Variants in CNBD1 observed in about 807,000 individuals in gnomAD.
The protein encoded by CNBD1 is cyclic nucleotide binding domain containing 1.
A neutral mutation model predicts 54.4 loss-of-function variants in CNBD1; 71 were observed. That is an observed-to-expected ratio of 1.30 (90% CI 1.08 to 1.59). The LOEUF (loss-of-function observed/expected upper bound fraction) is 1.59. CNBD1 is among the 40% of genes most tolerant of loss of function. The pLI, the probability that CNBD1 is intolerant of heterozygous loss-of-function variation, is 0.00. For synonymous variants in CNBD1, 182 were observed against 170.7 expected (o/e 1.07, Z -0.51); for missense variants, 659 against 518.0 (o/e 1.27, Z -2.64).
intron 5 of CNBD1, among the ~76,000 whole-genome samples, chr8:87,218,602 A>G (rs1256212369): frequency 6.6e-6 from 1 of 152,004 alleles, no homozygotes; most frequent in East Asian, 1.9e-4. Flanking sequence ...AATATATTCA[A>G]TGTTATTGAG....
At chr8:87,303,852 G>T (rs1014981695) in intron 8 of CNBD1, among the ~76,000 whole-genome samples, 1 of 152,056 alleles carries the variant, frequency 6.6e-6, no homozygotes, top group Non-Finnish European at 1.5e-5. Context: ...CTTCTCAAAA[G>T]AAGATATTAA....
chr8:86,918,650 G>A lies in CNBD1; in HGVS notation c.272+13456G>A, dbSNP rs560491754. ...TCTTCTGTGCTGCCACATAAGACAT[G>A]CCTTTTGCCTTCTGCCATGATTGTG... On this transcript the variant is annotated intron_variant, in intron 3 of 10. Coordinates refer to ENST00000518476, the MANE Select transcript of CNBD1 (RefSeq NM_173538.3). Among the ~76,000 whole-genome samples the A allele has an allele frequency of 2.0e-5, 3 of 151,976 alleles. No individual in the cohort carries two copies. The East Asian group carries it at 5.8e-4, about 30-fold the overall frequency.
At chr8:86,869,518 T>C (rs1374031650) in intron 1 of CNBD1, among the ~76,000 whole-genome samples, 1 of 152,220 alleles carries the variant, frequency 6.6e-6, no homozygotes, top group Non-Finnish European at 1.5e-5. Flanking sequence ...ACTCAGACAC[T>C]TCAAGTAGTT....
chr8:87,214,745 A>G (rs1253196223), intron 5 of CNBD1, among the ~76,000 whole-genome samples: 1 of 152,196 alleles, frequency 6.6e-6, no homozygotes, highest in Non-Finnish European at 1.5e-5. Context: ...CACATCACAC[A>G]TGGCAGCAGG....
At chr8:87,165,244 T>A (rs1007269595) in intron 4 of CNBD1, among the ~76,000 whole-genome samples, 1 of 151,974 alleles carries the variant, frequency 6.6e-6, no homozygotes, top group African/African-American at 2.4e-5. Flanking sequence ...TGCTATTAAA[T>A]GGAATGTTCT....
chr8:87,304,217 C>CA (rs1809087733), intron 8 of CNBD1, among the ~76,000 whole-genome samples: 1 of 151,928 alleles, frequency 6.6e-6, no homozygotes, highest in East Asian at 1.9e-4. Flanking sequence ...TTCACAATAG[C>CA]AAAGACTTGG....
At chr8:87,238,807 C>A (rs1807633191) in intron 6 of CNBD1, among the ~76,000 whole-genome samples, 1 of 152,046 alleles carries the variant, frequency 6.6e-6, no homozygotes, top group African/African-American at 2.4e-5. Flanking sequence ...TGCCAAAGAA[C>A]CCTGGGATTA....
At chr8:87,108,648 T>C (rs1170586578) in intron 4 of CNBD1, among the ~76,000 whole-genome samples, 10 of 152,270 alleles carry the variant, frequency 6.6e-5, no homozygotes, top group African/African-American at 2.2e-4. Flanking sequence ...CTTTTCACTA[T>C]GTGAATGTCA....
chr8:87,277,392 A>G (rs1808506596), intron 6 of CNBD1, among the ~76,000 whole-genome samples: 1 of 151,744 alleles, frequency 6.6e-6, no homozygotes, highest in Non-Finnish European at 1.5e-5. Flanking sequence ...GTTAATCTTT[A>G]CCAATTTAAA....
chr8:87,037,825 C>G (rs1809981968), intron 4 of CNBD1, among the ~76,000 whole-genome samples: 1 of 152,138 alleles, frequency 6.6e-6, no homozygotes. Flanking sequence ...CTTTTCCAAA[C>G]TATATGATGT....
chr8:87,427,723 A>G (rs1052177834), intron 2 of CNBD1, among the ~76,000 whole-genome samples: 2 of 152,196 alleles, frequency 1.3e-5, no homozygotes, highest in Non-Finnish European at 2.9e-5. Flanking sequence ...GTAAGAATAA[A>G]CAAACTCTTC....
At chr8:87,221,232 ACT>A (rs1814330797) in intron 5 of CNBD1, among the ~76,000 whole-genome samples, 1 of 152,090 alleles carries the variant, frequency 6.6e-6, no homozygotes, top group South Asian at 2.1e-4. Context: ...AAAAATTAGC[ACT>A]GTTTTTATTC....
At chr8:87,090,188 C>T (rs1000762868) in intron 4 of CNBD1, among the ~76,000 whole-genome samples, 2 of 152,036 alleles carry the variant, frequency 1.3e-5, no homozygotes, top group African/African-American at 2.4e-5. Flanking sequence ...TTGTTCATTC[C>T]TTCTGGGCTA....
chr8:87,115,446 A>G (rs1811748897), intron 4 of CNBD1, among the ~76,000 whole-genome samples: 1 of 152,188 alleles, frequency 6.6e-6, no homozygotes, highest in Admixed American at 6.5e-5. Flanking sequence ...TGTTTGTCCT[A>G]TAATTACATA....
chr8:87,241,352 G>C (rs1370905738), intron 6 of CNBD1, among the ~76,000 whole-genome samples: 3 of 137,324 alleles, frequency 2.2e-5, no homozygotes, highest in Non-Finnish European at 4.5e-5. Context: ...CTCACTGCAA[G>C]CTCTGCCTCC....
chr8:87,366,758 C>T (rs550738022), intron 10 of CNBD1, among the ~76,000 whole-genome samples: 2 of 152,082 alleles, frequency 1.3e-5, no homozygotes, highest in Admixed American at 6.6e-5. Flanking sequence ...CCTAAGCTTT[C>T]TATTTATTGT....
At chr8:87,397,733 G>T (rs1272393163) in intron 2 of CNBD1, among the ~76,000 whole-genome samples, 1 of 151,900 alleles carries the variant, frequency 6.6e-6, no homozygotes, top group Non-Finnish European at 1.5e-5. Context: ...GTATAGTCTA[G>T]CTCTTTGTTC....
chr8:87,068,408 C>T (rs1397836300), intron 4 of CNBD1, among the ~76,000 whole-genome samples: 2 of 151,764 alleles, frequency 1.3e-5, no homozygotes, highest in East Asian at 3.9e-4. Context: ...CCACTTTAAC[C>T]CAATTTAATC....
chr8:87,243,559 C>T (rs968207445), intron 6 of CNBD1, among the ~76,000 whole-genome samples: 2 of 152,112 alleles, frequency 1.3e-5, no homozygotes, highest in East Asian at 1.9e-4. Context: ...CAGATTCATT[C>T]CTGGTATGGT....
Sources: allele counts gnomAD v4.1 joint callset (sites outside exome capture counted in the v4.1 genomes callset), GRCh38; gene constraint gnomAD v4.1.1; transcripts MANE v1.5; gene names NCBI Gene and HGNC (gene_info 2026-07-23, HGNC 2026-07-21).